The following DCC variants were observed in gnomAD, a reference collection of about 807,000 sequenced individuals.
DCC encodes the protein netrin receptor DCC.
DCC carries 58 observed loss-of-function variants against 172.5 expected under a neutral mutation model. The observed-to-expected ratio is 0.34, with a 90% CI of 0.27 to 0.42. DCC has a LOEUF of 0.42. DCC is among the 10% of genes least tolerant of loss of function. The pLI is 1.00. For synonymous variants in DCC, 709 were observed against 644.5 expected (o/e 1.10, Z -1.52); for missense variants, 1,740 against 1,791.0 (o/e 0.97, Z 0.51).
At chr18:53,353,641 A>G (rs1266445719) in intron 15 of DCC, among the ~76,000 whole-genome samples, 3 of 152,140 alleles carry the variant, frequency 2.0e-5, no homozygotes, top group East Asian at 3.9e-4. Context: ...TAAGTTTGCT[A>G]TTAAAACTTA....
At chr18:52,563,669 T>A (rs1222212449) in intron 1 of DCC, among the ~76,000 whole-genome samples, 2 of 152,250 alleles carry the variant, frequency 1.3e-5, no homozygotes, top group East Asian at 3.9e-4. Context: ...TTAAATAGAG[T>A]ATACACAGCT....
Position 53,459,405 on chromosome 18 carries a change from T to G in DCC, c.3566T>G (p.Val1189Gly), listed in dbSNP as rs1568145457. 1.9e-6 allele frequency: 3 copies of G among 1,613,858 alleles called. No individual in the cohort carries two copies. The highest frequency in any genetic ancestry group is 2.5e-6 in the Non-Finnish European group (3 of 1,179,956). Reference protein sequence around the residue: ...PIQSCQDLTPVSHSQSETQLG... With the variant: ...PIQSCQDLTPGSHSQSETQLG... ...CAAAGTTGCCAAGACCTCACACCAG[T>G]CAGCCACAGCCAGTCAGAAACCCAA... Residue 1189 changes from valine (V) to glycine (G), a missense_variant, in exon 24 of 29, where the codon GTC (valine) becomes GGC (glycine). By Grantham distance (109) the Val-to-Gly change is moderately radical. Around this residue, in one of 2 missense-constraint regions of DCC, gnomAD observed 1,732 missense variants for 1,767.4 expected, o/e 0.98. Transcript: ENST00000442544.
intron 7 of DCC, among the ~76,000 whole-genome samples, chr18:53,121,248 G>A (rs1029688970): frequency 1.3e-5 from 2 of 151,836 alleles, no homozygotes; most frequent in Non-Finnish European, 2.9e-5. Flanking sequence ...CTGGGGATAC[G>A]TATTTCCAAA....
intron 6 of DCC, among the ~76,000 whole-genome samples, chr18:53,065,578 G>A (rs962890093): frequency 1.1e-4 from 17 of 152,176 alleles, no homozygotes; most frequent in Middle Eastern, 3.4e-3. Flanking sequence ...CTGGGCAAAC[G>A]CTTCCAGAAA....
intron 2 of DCC, among the ~76,000 whole-genome samples, chr18:52,869,434 T>C (rs1328835983): frequency 1.3e-5 from 2 of 152,168 alleles, no homozygotes; most frequent in Non-Finnish European, 2.9e-5. Flanking sequence ...TGTGCCTGCA[T>C]TGGTCCATGG....
At chr18:52,810,420 A>T (rs1162717800) in intron 2 of DCC, among the ~76,000 whole-genome samples, 1 of 152,190 alleles carries the variant, frequency 6.6e-6, no homozygotes, top group Non-Finnish European at 1.5e-5. Flanking sequence ...AGCTTATACC[A>T]ATCTGGCAGT....
intron 15 of DCC, among the ~76,000 whole-genome samples, chr18:53,380,046 C>T (rs1006206359): frequency 1.3e-5 from 2 of 152,108 alleles, no homozygotes; most frequent in African/African-American, 4.8e-5. Context: ...CAAAAAAATA[C>T]ACTTACTGTC....
At chr18:53,107,564 G>A (rs967974115) in intron 7 of DCC, among the ~76,000 whole-genome samples, 4 of 144,538 alleles carry the variant, frequency 2.8e-5, no homozygotes, top group Admixed American at 1.4e-4. Flanking sequence ...AGAGGAAGAC[G>A]TGGTTCCTAA....
intron 9 of DCC, among the ~76,000 whole-genome samples, chr18:53,203,015 A>G (rs1225863932): frequency 6.6e-6 from 1 of 152,168 alleles, no homozygotes; most frequent in Non-Finnish European, 1.5e-5. Flanking sequence ...TACACAAATG[A>G]CATTATTGGT....
intron 23 of DCC, among the ~76,000 whole-genome samples, chr18:53,458,044 A>T (rs1283425584): frequency 6.6e-6 from 1 of 152,178 alleles, no homozygotes; most frequent in Non-Finnish European, 1.5e-5. Flanking sequence ...GTTTTCACTG[A>T]GAGTAGCTTG....
chr18:53,107,527 A>G (rs2043267510), intron 7 of DCC, among the ~76,000 whole-genome samples: 1 of 123,180 alleles, frequency 8.1e-6, no homozygotes, highest in South Asian at 2.3e-4. Context: ...GATCCAAAAA[A>G]AAAAAAAAGG....
intron 1 of DCC, among the ~76,000 whole-genome samples, chr18:52,703,845 TCA>T (rs1439705300): frequency 6.6e-6 from 1 of 151,656 alleles, no homozygotes; most frequent in African/African-American, 2.4e-5. Flanking sequence ...GAGATATCAC[TCA>T]CTATTTCCTA....
intron 1 of DCC, among the ~76,000 whole-genome samples, chr18:52,574,416 C>A (rs1257502137): frequency 6.6e-6 from 1 of 152,144 alleles, no homozygotes; most frequent in Non-Finnish European, 1.5e-5. Flanking sequence ...TCAATAATAG[C>A]AATATCTCTT....
chr18:52,812,217 A>G lies in DCC; in HGVS notation c.412+59843A>G, dbSNP rs2038214236. On this transcript the variant is annotated intron_variant, in intron 2 of 28. Coordinates refer to ENST00000442544, the MANE Select transcript of DCC (RefSeq NM_005215.4). Reference sequence around the variant, plus strand: ...ATAGCATTTATAATTCACCTCAGCTACCCTTTCTGATATTATTTTTGTTTT... The same window carrying G: ...ATAGCATTTATAATTCACCTCAGCTGCCCTTTCTGATATTATTTTTGTTTT... Among the ~76,000 whole-genome samples, 17 of 152,216 alleles carry G rather than the reference A, an allele frequency of 1.1e-4. 1 individual carries two copies. In the South Asian group the frequency reaches 3.5e-3, roughly 32 times the overall value.
chr18:52,449,362 T>C (rs1176173162), intron 1 of DCC, among the ~76,000 whole-genome samples: 2 of 152,174 alleles, frequency 1.3e-5, no homozygotes, highest in African/African-American at 4.8e-5. Flanking sequence ...AATACACTTA[T>C]AGACAAGATT....
intron 1 of DCC, among the ~76,000 whole-genome samples, chr18:52,706,034 C>T (rs1023178649): frequency 6.6e-6 from 1 of 152,116 alleles, no homozygotes; most frequent in African/African-American, 2.4e-5. Flanking sequence ...TTTTAGGATG[C>T]TGACAGCATT....
At chr18:52,511,019 T>G (rs1448421416) in intron 1 of DCC, among the ~76,000 whole-genome samples, 3 of 152,114 alleles carry the variant, frequency 2.0e-5, no homozygotes, top group Admixed American at 2.0e-4. Context: ...TCTCTAAGTT[T>G]TTCAAGGTGA....
chr18:53,462,764 T>C (rs2045575830), intron 24 of DCC, among the ~76,000 whole-genome samples: 1 of 152,006 alleles, frequency 6.6e-6, no homozygotes, highest in African/African-American at 2.4e-5. Flanking sequence ...ATGGGAGACA[T>C]GAAGTCCAGG....
chr18:52,389,748 C>T (rs1266550475), intron 1 of DCC, among the ~76,000 whole-genome samples: 1 of 152,044 alleles, frequency 6.6e-6, no homozygotes, highest in East Asian at 1.9e-4. Context: ...ATCACTGAAT[C>T]TTTGAAGCTG....
Sources: gnomAD v4.1 joint callset for allele counts (sites outside exome capture counted in the v4.1 genomes callset) on GRCh38, gnomAD v4.1.1 for gene constraint, gnomAD v4.1.1 regional missense constraint, MANE v1.5 for transcripts, NCBI Gene and HGNC (gene_info 2026-07-23, HGNC 2026-07-21) for gene names.